The following KAZN variants were observed in gnomAD, a reference collection of about 807,000 sequenced individuals.
KAZN encodes kazrin.
A neutral mutation model predicts 87.4 loss-of-function variants in KAZN; 40 were observed. The observed-to-expected ratio is 0.46, with a 90% CI of 0.36 to 0.60. KAZN has a LOEUF of 0.60. Ranked by LOEUF, KAZN falls within the 20% of genes least tolerant of loss-of-function variation. The pLI, the probability that KAZN is intolerant of heterozygous loss-of-function variation, is 0.00. For synonymous variants in KAZN, 466 were observed against 458.3 expected (o/e 1.02, Z -0.22); for missense variants, 898 against 1,073.9 (o/e 0.84, Z 2.29).
intron 1 of KAZN, among the ~76,000 whole-genome samples, chr1:14,803,990 A>G (rs970197993): frequency 6.6e-6 from 1 of 152,224 alleles, no homozygotes; most frequent in Non-Finnish European, 1.5e-5. Flanking sequence ...GTCCTCACCC[A>G]GTCCCTGTCC....
At chr1:14,631,075 G>T (rs907703769) in intron 1 of KAZN, among the ~76,000 whole-genome samples, 10 of 152,080 alleles carry the variant, frequency 6.6e-5, no homozygotes, top group Admixed American at 2.0e-4. Flanking sequence ...AGGCTGAGAG[G>T]TTCATGGAAC....
rs3031976 is a variant in KAZN at position 13,997,173 on chromosome 1, TCAACAA to T, written c.91+103434_91+103439del. On this transcript the variant is annotated intron_variant, in intron 1 of 16. Transcript: ENST00000636203. ...ACAAACAGCAAAAACAACACCATCATCAACAACAACAACAACAACAACCCCCACAAA... is the reference window on the plus strand; with the variant it reads ...ACAAACAGCAAAAACAACACCATCATCAACAACAACAACAACCCCCACAAA... Among the ~76,000 whole-genome samples, 669 of 151,362 alleles carry T rather than the reference TCAACAA, an allele frequency of 4.4e-3. 4 individuals carry two copies. Among genetic ancestry groups the T allele is most frequent in the African/African-American group, 0.016 (641 of 41,234 alleles).
At chr1:14,162,172 T>C (rs892294190) in intron 1 of KAZN, among the ~76,000 whole-genome samples, 1 of 152,228 alleles carries the variant, frequency 6.6e-6, no homozygotes, top group Non-Finnish European at 1.5e-5. Context: ...TAAAAGATCA[T>C]GTTTGTAGCT....
intron 1 of KAZN, among the ~76,000 whole-genome samples, chr1:14,050,848 A>G (rs370347084): frequency 1.3e-5 from 2 of 152,186 alleles, no homozygotes; most frequent in South Asian, 4.1e-4. Context: ...CCACTGCCGC[A>G]TCCTCAGAAC....
Position 14,788,182 on chromosome 1 carries a change from T to C in KAZN, c.227-172502T>C, listed in dbSNP as rs893162786. On this transcript the variant is annotated intron_variant, in intron 1 of 14. Coordinates refer to ENST00000376030, the MANE Select transcript of KAZN (RefSeq NM_201628.3). ...TGGGTTGCATGCCAGAAGCCAGCCC[T>C]GTCTCAGTGCTACCATCCTACCCCC... 2.0e-5 allele frequency among the ~76,000 whole-genome samples: 3 copies of C among 152,166 alleles called. No homozygotes were observed. In the South Asian group the frequency reaches 6.2e-4, roughly 32 times the overall value.
chr1:14,351,603 G>C (rs1053177018), intron 2 of KAZN, among the ~76,000 whole-genome samples: 4 of 152,048 alleles, frequency 2.6e-5, no homozygotes, highest in East Asian at 1.9e-4. Context: ...CCAAAGACTT[G>C]GTCATTATAA....
chr1:14,432,545 C>T (rs1174956101), intron 2 of KAZN, among the ~76,000 whole-genome samples: 3 of 151,862 alleles, frequency 2.0e-5, no homozygotes, highest in Admixed American at 2.0e-4. Context: ...TGGCTTCTTT[C>T]TTTTTTATAA....
intron 1 of KAZN, among the ~76,000 whole-genome samples, chr1:14,054,615 A>T (rs1333528877): frequency 6.6e-6 from 1 of 152,258 alleles, no homozygotes; most frequent in Admixed American, 6.5e-5. Context: ...TTAATAAAAG[A>T]GATGACATAA....
At chr1:14,312,261 CAT>C (rs1213844694) in intron 2 of KAZN, among the ~76,000 whole-genome samples, 1 of 152,132 alleles carries the variant, frequency 6.6e-6, no homozygotes, top group African/African-American at 2.4e-5. Flanking sequence ...AAACACCTGA[CAT>C]ATAGCCCTGT....
chr1:14,088,497 G>A (rs1289918136), intron 1 of KAZN, among the ~76,000 whole-genome samples: 2 of 151,972 alleles, frequency 1.3e-5, no homozygotes, highest in Non-Finnish European at 2.9e-5. Context: ...ATTGTGGTCA[G>A]AGATTTATAT....
intron 1 of KAZN, among the ~76,000 whole-genome samples, chr1:14,765,173 C>T (rs1644852620): frequency 1.3e-5 from 2 of 152,320 alleles, no homozygotes; most frequent in South Asian, 2.1e-4. Context: ...TCAACAGCAT[C>T]CCTGGCCTCT....
chr1:14,195,585 A>G (rs1646510655), intron 2 of KAZN, among the ~76,000 whole-genome samples: 1 of 152,170 alleles, frequency 6.6e-6, no homozygotes, highest in African/African-American at 2.4e-5. Flanking sequence ...TGAGGCAGAA[A>G]TGACAAAATT....
At chr1:14,006,252 T>C (rs1019858963) in intron 1 of KAZN, among the ~76,000 whole-genome samples, 1 of 152,212 alleles carries the variant, frequency 6.6e-6, no homozygotes, top group Non-Finnish European at 1.5e-5. Context: ...TGAGGCTGCA[T>C]AGCTTATAAA....
intron 2 of KAZN, among the ~76,000 whole-genome samples, chr1:14,209,675 A>G (rs1441112124): frequency 6.6e-6 from 1 of 152,212 alleles, no homozygotes; most frequent in African/African-American, 2.4e-5. Flanking sequence ...CAAAGTTCCA[A>G]TTATGTAGGC....
chr1:14,983,253 C>T (rs1385690797), intron 2 of KAZN, among the ~76,000 whole-genome samples: 1 of 152,234 alleles, frequency 6.6e-6, no homozygotes, highest in Non-Finnish European at 1.5e-5. Context: ...CCTACCTCCA[C>T]CCCGGCAGGG....
At chr1:14,285,900 G>A (rs1271189478) in intron 2 of KAZN, among the ~76,000 whole-genome samples, 2 of 152,184 alleles carry the variant, frequency 1.3e-5, no homozygotes, top group African/African-American at 4.8e-5. Context: ...ACTGGCTGTG[G>A]CCGTGGGCCT....
chr1:15,076,061 G>T (rs1346715131), intron 8 of KAZN, among the ~76,000 whole-genome samples: 1 of 152,194 alleles, frequency 6.6e-6, no homozygotes, highest in East Asian at 1.9e-4. Flanking sequence ...GTCTGTGGAG[G>T]CGGTGTGGAG....
chr1:14,942,207 C>G (rs1276570010), intron 1 of KAZN, among the ~76,000 whole-genome samples: 1 of 152,206 alleles, frequency 6.6e-6, no homozygotes, highest in African/African-American at 2.4e-5. Flanking sequence ...CCTGCCAGCC[C>G]TGTACGCCCA....
At chr1:14,967,258 A>G (rs999295317) in intron 2 of KAZN, among the ~76,000 whole-genome samples, 2 of 151,966 alleles carry the variant, frequency 1.3e-5, no homozygotes, top group Non-Finnish European at 2.9e-5. Context: ...GTGTGGTTAC[A>G]TCTGTGTGGC....
Sources: gnomAD v4.1 joint callset for allele counts (sites outside exome capture counted in the v4.1 genomes callset) on GRCh38, gnomAD v4.1.1 for gene constraint, MANE v1.5 for transcripts, NCBI Gene and HGNC (gene_info 2026-07-23, HGNC 2026-07-21) for gene names.